The following PTBP2 variants were observed in gnomAD, a reference collection of about 807,000 sequenced individuals.
PTBP2 encodes the protein polypyrimidine tract-binding protein 2.
PTBP2 carries 13 observed loss-of-function variants against 61.4 expected under a neutral mutation model. That is an observed-to-expected ratio of 0.21 (90% CI 0.14 to 0.34). The LOEUF (loss-of-function observed/expected upper bound fraction) is 0.34, where lower values mean the gene tolerates loss of function less well. Among genes scored for constraint, PTBP2 ranks in the 10% least tolerant of loss-of-function variants. The pLI is 1.00. For synonymous variants in PTBP2, 215 were observed against 218.5 expected (o/e 0.98, Z 0.14); for missense variants, 405 against 642.6 (o/e 0.63, Z 4.00).
intron 8 of PTBP2, among the ~76,000 whole-genome samples, chr1:96,800,269 T>G (rs1254117071): frequency 6.6e-6 from 1 of 152,154 alleles, no homozygotes; most frequent in African/African-American, 2.4e-5. Context: ...TTTGGTAAGA[T>G]TTTTATTACC....
rs989160411 is a variant in PTBP2 at position 96,814,795 on chromosome 1, T to A, written c.*1390T>A. 1 of 152,510 alleles carries A rather than the reference T, an allele frequency of 6.6e-6. No individual in the cohort carries two copies. Among genetic ancestry groups the A allele is most frequent in the Non-Finnish European group, 1.5e-5 (1 of 67,958 alleles). The allele number at this position is 152,510 out of a possible 1,614,324, so 9.4% of individuals were successfully genotyped here. On this transcript the variant is annotated 3_prime_UTR_variant, in exon 14 of 14. Coordinates refer to ENST00000674951, the MANE Select transcript of PTBP2 (RefSeq NM_021190.4). ...ATTAAAAATTAATTTTCTAACAAAGTTGGGAGGTTTGATGGTTGTTTAATT... is the reference window on the plus strand; with the variant it reads ...ATTAAAAATTAATTTTCTAACAAAGATGGGAGGTTTGATGGTTGTTTAATT...
chr1:96,727,163 ATT>A (rs1473427446), intron 2 of PTBP2, among the ~76,000 whole-genome samples: 1 of 152,116 alleles, frequency 6.6e-6, no homozygotes, highest in Non-Finnish European at 1.5e-5. Flanking sequence ...TGGTATGTAC[ATT>A]TTTGGTCTGG....
At chr1:96,811,563 C>G (rs573484295) in intron 11 of PTBP2, among the ~76,000 whole-genome samples, 1 of 152,012 alleles carries the variant, frequency 6.6e-6, no homozygotes, top group African/African-American at 2.4e-5. Context: ...ACCACAGGCA[C>G]GAGCCACCAC....
chr1:96,777,550 G>A (rs1292673761), intron 5 of PTBP2, 35 bp from the exon 6 acceptor site: 2 of 1,563,228 alleles, frequency 1.3e-6, no homozygotes, highest in Non-Finnish European at 1.7e-6. Context: ...GACAATAATG[G>A]GTATGTTTCT....
intron 3 of PTBP2, among the ~76,000 whole-genome samples, chr1:96,755,990 G>C (rs988172774): frequency 1.3e-5 from 2 of 152,180 alleles, no homozygotes; most frequent in Non-Finnish European, 2.9e-5. Flanking sequence ...CCGAACTTCA[G>C]AACATTGATA....
At chr1:96,757,458 C>G (rs1655287566) in intron 3 of PTBP2, among the ~76,000 whole-genome samples, 1 of 152,030 alleles carries the variant, frequency 6.6e-6, no homozygotes. Context: ...AAAAACATCA[C>G]AGAACTAAGT....
downstream of PTBP2, chr1:96,819,498 T>G (rs1249480927): frequency 6.6e-6 from 1 of 152,016 alleles, no homozygotes; most frequent in Non-Finnish European, 1.5e-5. Context: ...TATTTCTCTG[T>G]TTTTCTTCCA....
At chr1:96,776,810 A>G (rs1291919890) in intron 5 of PTBP2, among the ~76,000 whole-genome samples, 1 of 151,478 alleles carries the variant, frequency 6.6e-6, no homozygotes, top group Non-Finnish European at 1.5e-5. Context: ...TTTCCTACAA[A>G]TACTGTGTTT....
At chr1:96,804,661 TA>T in intron 8 of PTBP2, 138 bp from the exon 9 acceptor site, 1 of 796,066 alleles carries the variant, frequency 1.3e-6, no homozygotes, top group Non-Finnish European at 1.9e-6. Context: ...CTAAACACTA[TA>T]AAAATTAACT....
At chr1:96,785,282 T>C (rs753711115) in intron 8 of PTBP2, 28 bp downstream of exon 8, 3 of 1,492,290 alleles carry the variant, frequency 2.0e-6, no homozygotes, top group East Asian at 2.5e-5. Flanking sequence ...TTAACCACTT[T>C]TCTCCCATTT....
chr1:96,783,063 C>T (rs1039806710), intron 7 of PTBP2, among the ~76,000 whole-genome samples: 3 of 151,978 alleles, frequency 2.0e-5, no homozygotes, highest in Non-Finnish European at 4.4e-5. Context: ...ACAAGATCAC[C>T]ACATTCCTGA....
At position 96,814,581 on chromosome 1, in the gene PTBP2, G is replaced by C. The variant is rs1442426395; in HGVS notation, c.*1176G>C. The C allele has an allele frequency of 2.0e-5, 3 of 152,446 alleles. No individual in the cohort carries two copies. Among genetic ancestry groups the C allele is most frequent in the Non-Finnish European group, 4.4e-5 (3 of 67,950 alleles). The allele number at this position is 152,446 out of a possible 1,614,324, so 9.4% of individuals were successfully genotyped here. The stretch of plus-strand genomic sequence containing the variant: ...CAGAATCTACAGGTCAAATTAATTT[G>C]AACAGTTCTTGTCAATCCGAATTGT... On this transcript the variant is annotated 3_prime_UTR_variant, in exon 14 of 14. Transcript: ENST00000674951.
chr1:96,751,305 AG>A (rs1249456783), intron 2 of PTBP2, 119 bp from the exon 3 acceptor site: 1 of 809,652 alleles, frequency 1.2e-6, no homozygotes, highest in Non-Finnish European at 2.1e-6. Flanking sequence ...TTTTTATTAT[AG>A]GGATTAACAT....
intron 2 of PTBP2, among the ~76,000 whole-genome samples, chr1:96,730,683 CT>C (rs1557684801): frequency 6.6e-6 from 1 of 152,138 alleles, no homozygotes; most frequent in African/African-American, 2.4e-5. Context: ...CTGTGCAGTT[CT>C]TTTCTCTGGT....
At chr1:96,775,279 T>G (rs987298573) in intron 5 of PTBP2, among the ~76,000 whole-genome samples, 3 of 152,188 alleles carry the variant, frequency 2.0e-5, no homozygotes, top group African/African-American at 7.2e-5. Flanking sequence ...TGTAGTAAAC[T>G]CGCTCCTAGT....
At chr1:96,737,447 A>C (rs1222690318) in intron 2 of PTBP2, among the ~76,000 whole-genome samples, 1 of 152,136 alleles carries the variant, frequency 6.6e-6, no homozygotes, top group Non-Finnish European at 1.5e-5. Flanking sequence ...GTTGACTGAA[A>C]TTAAAGATGT....
intron 3 of PTBP2, among the ~76,000 whole-genome samples, chr1:96,766,474 G>T (rs907784254): frequency 6.6e-6 from 1 of 152,064 alleles, no homozygotes; most frequent in Non-Finnish European, 1.5e-5. Context: ...TCCCATTCAG[G>T]ATCATGGGAA....
chr1:96,810,213 A>G (rs1183188304), intron 11 of PTBP2, among the ~76,000 whole-genome samples: 2 of 152,292 alleles, frequency 1.3e-5, no homozygotes, highest in East Asian at 3.9e-4. Context: ...CAATTGTGAA[A>G]CATTGACTTT....
chr1:96,796,096 A>G (rs1660352826), intron 8 of PTBP2, among the ~76,000 whole-genome samples: 1 of 152,176 alleles, frequency 6.6e-6, no homozygotes, highest in African/African-American at 2.4e-5. Flanking sequence ...ATTTAAATAT[A>G]GAGATGCTTT....
Sources: gnomAD v4.1 joint callset for allele counts (sites outside exome capture counted in the v4.1 genomes callset) on GRCh38, gnomAD v4.1.1 for gene constraint, MANE v1.5 for transcripts, NCBI Gene and HGNC (gene_info 2026-07-23, HGNC 2026-07-21) for gene names.